Variants in PIK3C3 observed in about 807,000 individuals in gnomAD.
PIK3C3 encodes the protein PI3-kinase type 3.
A neutral mutation model predicts 126.1 loss-of-function variants in PIK3C3; 95 were observed. The observed-to-expected ratio is 0.75, with a 90% confidence interval of 0.64 to 0.89. PIK3C3 has a LOEUF of 0.89. PIK3C3 is among the 40% of genes least tolerant of loss of function. The pLI is 0.00. For missense variants in PIK3C3, 829 were observed against 1,063.2 expected (o/e 0.78, Z 3.06); for synonymous variants, 374 against 360.0 (o/e 1.04, Z -0.44).
chr18:41,970,862 A>G (rs1292912339), intron 4 of PIK3C3: 3 of 220,582 alleles, frequency 1.4e-5, no homozygotes, highest in African/African-American at 6.9e-5. Flanking sequence ...ATGTCTGGAA[A>G]TCTGTCAGGT....
chr18:41,957,165 C>G (rs117869474), intron 1 of PIK3C3, among the ~76,000 whole-genome samples: 359 of 152,210 alleles, frequency 2.4e-3, no homozygotes, highest in Admixed American at 5.6e-3. Context: ...TCTTTGTCCA[C>G]TATGGTAAAT....
At chr18:41,987,770 TA>T (rs1981563465) in intron 4 of PIK3C3, 41 bp from the exon 5 acceptor site, 1 of 1,329,040 alleles carries the variant, frequency 7.5e-7, no homozygotes, top group African/African-American at 1.4e-5. Flanking sequence ...TTCTTTCTAC[TA>T]GATGTATATT....
chr18:42,057,424 C>T (rs1598940252), intron 21 of PIK3C3, among the ~76,000 whole-genome samples: 1 of 152,100 alleles, frequency 6.6e-6, no homozygotes, highest in East Asian at 1.9e-4. Context: ...TTTTTCCTTT[C>T]TAAAATTTTT....
chr18:42,055,796 A>C (rs953673219), intron 21 of PIK3C3, among the ~76,000 whole-genome samples: 1 of 152,144 alleles, frequency 6.6e-6, no homozygotes, highest in Non-Finnish European at 1.5e-5. Flanking sequence ...TTATTAAACA[A>C]AATGGAAATT....
chr18:42,077,562 G>C (rs1388455318), intron 24 of PIK3C3, among the ~76,000 whole-genome samples: 1 of 152,190 alleles, frequency 6.6e-6, no homozygotes, highest in Non-Finnish European at 1.5e-5. Context: ...CTCCTCATCT[G>C]CTCAAGTTTT....
intron 19 of PIK3C3, among the ~76,000 whole-genome samples, chr18:42,041,104 C>T (rs1039405262): frequency 1.3e-5 from 2 of 152,034 alleles, no homozygotes; most frequent in African/African-American, 4.8e-5. Context: ...ATCGCTTGAA[C>T]CCGCGAGGTG....
chr18:42,028,645 A>G (rs1983681515), intron 14 of PIK3C3, among the ~76,000 whole-genome samples: 1 of 152,158 alleles, frequency 6.6e-6, no homozygotes, highest in South Asian at 2.1e-4. Context: ...CCTCTCCTCT[A>G]ATCTCGTTTC....
Position 42,082,688 on chromosome 18 carries a change from G to T in PIK3C3, c.*1551G>T, listed in dbSNP as rs185913156. Reference sequence around the variant, plus strand: ...CCTTGTTGAAACTGACCTTTCTTCCGTGTGAACTCCTACACTTGCATCTCC... The same window carrying T: ...CCTTGTTGAAACTGACCTTTCTTCCTTGTGAACTCCTACACTTGCATCTCC... On this transcript the variant is annotated 3_prime_UTR_variant, in exon 25 of 25. Transcript: ENST00000262039. The T allele has an allele frequency of 3.9e-5, 6 of 151,950 alleles. No homozygotes were observed. Among genetic ancestry groups the T allele is most frequent in the African/African-American group, 1.5e-4 (6 of 41,360 alleles). The allele number at this position is 151,950 out of a possible 1,614,324, so 9.4% of individuals were successfully genotyped here. A position where few individuals can be genotyped will look rare whatever the true frequency, so the allele number is the denominator to read the frequency against.
chr18:41,958,509 C>A (rs1568108788), intron 2 of PIK3C3, among the ~76,000 whole-genome samples: 1 of 152,154 alleles, frequency 6.6e-6, no homozygotes, highest in Non-Finnish European at 1.5e-5. Flanking sequence ...GGGTTCAACC[C>A]TGTGTGTCCC....
intron 19 of PIK3C3, among the ~76,000 whole-genome samples, chr18:42,041,486 A>T (rs1471788395): frequency 3.0e-5 from 4 of 135,438 alleles, no homozygotes; most frequent in African/African-American, 1.1e-4. Flanking sequence ...ATATGTTTGG[A>T]TTTTTTTTTT....
intron 2 of PIK3C3, among the ~76,000 whole-genome samples, chr18:41,958,258 G>A (rs1448875233): frequency 6.6e-6 from 1 of 152,184 alleles, no homozygotes; most frequent in African/African-American, 2.4e-5. Context: ...TCAAGATGCA[G>A]GGTAAATATA....
intron 13 of PIK3C3, chr18:42,026,073 C>A (rs939952374): frequency 6.6e-6 from 1 of 152,000 alleles, no homozygotes; most frequent in Non-Finnish European, 1.5e-5. Context: ...TTAAGAAGGT[C>A]GAAAAGTTTC....
intron 2 of PIK3C3, among the ~76,000 whole-genome samples, chr18:41,960,889 G>A (rs901881543): frequency 3.3e-5 from 5 of 151,764 alleles, no homozygotes; most frequent in African/African-American, 4.8e-5. Context: ...CTACAGGCGC[G>A]CACCACCATG....
intron 4 of PIK3C3, 109 bp from the exon 5 acceptor site, chr18:41,987,703 G>A (rs1000235717): frequency 1.5e-6 from 1 of 648,196 alleles, no homozygotes; most frequent in Non-Finnish European, 2.7e-6. Context: ...GGTTTCTATT[G>A]TGTATAGGAA....
rs1986239862 is a variant in PIK3C3 at position 42,081,270 on chromosome 18, A to G, written c.*133A>G. On this transcript the variant is annotated 3_prime_UTR_variant, in exon 25 of 25. Coordinates refer to ENST00000262039, the MANE Select transcript of PIK3C3 (RefSeq NM_002647.4). ...ATCTTCAAGTTACCATATTTTCCAA[A>G]TATTACATGGTACCTGAGTTCTGCT... 3 of 577,344 alleles carry G rather than the reference A, an allele frequency of 5.2e-6. No individual in the cohort carries two copies. Among genetic ancestry groups the G allele is most frequent in the Non-Finnish European group, 9.3e-6 (3 of 323,306 alleles). The allele number at this position is 577,344 out of a possible 1,614,324, so 35.8% of individuals were successfully genotyped here.
rs1428616507 is a variant in PIK3C3, at chr18:42,084,643, C to G, written c.*3506C>G. 2.7e-5 allele frequency: 4 copies of G among 150,748 alleles called. No individual in the cohort carries two copies. In the East Asian group the frequency reaches 7.8e-4, roughly 29 times the overall value. 9.3% of individuals were successfully genotyped at this position (150,748 alleles called of 1,614,324 possible). On this transcript the variant is annotated 3_prime_UTR_variant, in exon 25 of 25. Coordinates refer to ENST00000262039, the MANE Select transcript of PIK3C3 (RefSeq NM_002647.4). ...ATAAGCCTCAGAAGATAGTGAGCAT[C>G]CCACCTGGGTGACCACTTAGAGAAG...
At chr18:42,064,955 T>A in intron 23 of PIK3C3, 125 bp downstream of exon 23, 1 of 590,488 alleles carries the variant, frequency 1.7e-6, no homozygotes, top group South Asian at 2.2e-5. Flanking sequence ...CACAGTCACA[T>A]GAATAGGTTC....
At chr18:42,039,768 A>C (rs1389563339) in intron 18 of PIK3C3, among the ~76,000 whole-genome samples, 1 of 152,200 alleles carries the variant, frequency 6.6e-6, no homozygotes, top group African/African-American at 2.4e-5. Flanking sequence ...CTTTATTCAT[A>C]GTATTTACCC....
At chr18:42,002,327 G>A (rs952249083) in intron 9 of PIK3C3, among the ~76,000 whole-genome samples, 5 of 152,178 alleles carry the variant, frequency 3.3e-5, no homozygotes, top group African/African-American at 1.2e-4. Flanking sequence ...TTGCATTGTG[G>A]TAAGTGGTAG....
Sources: allele counts gnomAD v4.1 joint callset (sites outside exome capture counted in the v4.1 genomes callset), GRCh38; gene constraint gnomAD v4.1.1; transcripts MANE v1.5; gene names NCBI Gene and HGNC (gene_info 2026-07-23, HGNC 2026-07-21).